XKR4: variants seen among roughly 807,000 people sequenced by gnomAD.
XKR4 encodes the protein XK-related protein 4.
A neutral mutation model predicts 53.9 loss-of-function variants in XKR4; 12 were observed. The observed-to-expected ratio is 0.22, with a 90% CI of 0.14 to 0.36. XKR4 has a LOEUF of 0.36. Among genes scored for constraint, XKR4 ranks in the 10% least tolerant of loss-of-function variants. The probability of loss-of-function intolerance (pLI) is 1.00; values close to 1 mark genes in which losing one functional copy is unlikely to be tolerated. For missense variants in XKR4, 799 were observed against 859.5 expected (o/e 0.93, Z 0.88); for synonymous variants, 354 against 362.4 (o/e 0.98, Z 0.26).
intron 2 of XKR4, among the ~76,000 whole-genome samples, chr8:55,484,962 G>A (rs1806170837): frequency 6.6e-6 from 1 of 152,162 alleles, no homozygotes; most frequent in South Asian, 2.1e-4. Flanking sequence ...CTCCATGATT[G>A]TATGAGCTGA....
chr8:55,123,640 C>T (rs918272163), intron 1 of XKR4, among the ~76,000 whole-genome samples: 1 of 152,156 alleles, frequency 6.6e-6, no homozygotes, highest in African/African-American at 2.4e-5. Flanking sequence ...CAGGCCTGGC[C>T]CTTAACAAGT....
chr8:55,498,286 C>T (rs890469618), intron 2 of XKR4, among the ~76,000 whole-genome samples: 1 of 152,198 alleles, frequency 6.6e-6, no homozygotes, highest in African/African-American at 2.4e-5. Flanking sequence ...GACGGATCCC[C>T]ATGGTCGCCT....
At chr8:55,403,995 T>C (rs977908978) in intron 2 of XKR4, among the ~76,000 whole-genome samples, 2 of 152,164 alleles carry the variant, frequency 1.3e-5, no homozygotes, top group African/African-American at 4.8e-5. Flanking sequence ...CAGGCCTCTT[T>C]ATGACCTCAA....
At position 55,534,992 on chromosome 8, in the gene XKR4, G is replaced by T. The variant is rs1352899940; in HGVS notation, c.*10765G>T. On this transcript the variant is annotated 3_prime_UTR_variant, in exon 3 of 3. Transcript: ENST00000327381. Reference sequence around the variant, plus strand: ...CAGTCTAGAGGAAAAATGAGAAGAGGAAGAAGCAGGGATTCTTTTTCTTGT... The same window carrying T: ...CAGTCTAGAGGAAAAATGAGAAGAGTAAGAAGCAGGGATTCTTTTTCTTGT... The T allele has an allele frequency of 6.6e-6, 1 of 152,014 alleles. No homozygotes were observed. Among genetic ancestry groups the T allele is most frequent in the East Asian group, 1.9e-4 (1 of 5,184 alleles). The allele number at this position is 152,014 out of a possible 1,614,324, so 9.4% of individuals were successfully genotyped here.
intron 1 of XKR4, among the ~76,000 whole-genome samples, chr8:55,151,795 C>T (rs1005775006): frequency 6.2e-4 from 94 of 152,278 alleles, no homozygotes; most frequent in African/African-American, 2.2e-3. Flanking sequence ...ATCCTCATAT[C>T]ATTAAATAGT....
At chr8:55,418,092 A>G (rs1804875546) in intron 2 of XKR4, among the ~76,000 whole-genome samples, 1 of 152,214 alleles carries the variant, frequency 6.6e-6, no homozygotes. Flanking sequence ...TGTTCTTGCT[A>G]CAGAGGCCTC....
intron 1 of XKR4, among the ~76,000 whole-genome samples, chr8:55,215,104 C>G (rs1016557279): frequency 5.3e-5 from 8 of 151,572 alleles, no homozygotes; most frequent in Admixed American, 2.0e-4. Context: ...AAAGCCCAGA[C>G]CAAGTTTGTT....
intron 1 of XKR4, among the ~76,000 whole-genome samples, chr8:55,145,924 C>T (rs772843665): frequency 6.6e-6 from 1 of 152,128 alleles, no homozygotes; most frequent in Non-Finnish European, 1.5e-5. Context: ...GAAGTAAAGA[C>T]ATATCACTCA....
chr8:55,235,604 G>C (rs1023634811), intron 1 of XKR4, among the ~76,000 whole-genome samples: 6 of 152,136 alleles, frequency 3.9e-5, no homozygotes, highest in Non-Finnish European at 8.8e-5. Flanking sequence ...ATGTTTACAA[G>C]AACATTACCT....
intron 2 of XKR4, among the ~76,000 whole-genome samples, chr8:55,427,865 C>T (rs1488984274): frequency 1.3e-5 from 2 of 152,150 alleles, no homozygotes; most frequent in Admixed American, 6.6e-5. Context: ...GAGGCAGACA[C>T]CACTCTCTTA....
intron 2 of XKR4, among the ~76,000 whole-genome samples, chr8:55,363,328 C>T (rs1302166959): frequency 7.2e-5 from 11 of 152,130 alleles, no homozygotes; most frequent in Non-Finnish European, 2.9e-5. Context: ...AAAAAAACTC[C>T]TTTTGCCAAC....
intron 2 of XKR4, among the ~76,000 whole-genome samples, chr8:55,462,119 G>C (rs1585587430): frequency 6.6e-6 from 1 of 152,234 alleles, no homozygotes; most frequent in African/African-American, 2.4e-5. Context: ...AGAAAATACA[G>C]AGAATGTCAC....
chr8:55,109,247 C>G (rs1262962815), intron 1 of XKR4, among the ~76,000 whole-genome samples: 1 of 152,132 alleles, frequency 6.6e-6, no homozygotes, highest in Non-Finnish European at 1.5e-5. Flanking sequence ...GAGACTAACT[C>G]TCATACAGAG....
chr8:55,152,617 A>G (rs766469951), intron 1 of XKR4, among the ~76,000 whole-genome samples: 8 of 152,212 alleles, frequency 5.3e-5, no homozygotes, highest in Non-Finnish European at 1.2e-4. Context: ...TACCAAATCT[A>G]GCAATGGTAC....
chr8:55,201,930 T>C (rs139988022), intron 1 of XKR4, among the ~76,000 whole-genome samples: 4 of 152,324 alleles, frequency 2.6e-5, no homozygotes, highest in African/African-American at 7.2e-5. Context: ...AAATCAGGTG[T>C]CCTCTATTAA....
In XKR4 at chr8:55,523,713, C is replaced by T. The variant is rs868351587; in HGVS notation, c.1439C>T (p.Ala480Val). The part of the protein sequence containing the change: ...ALSALWYLYK[A>V]PQIADAFAIP... Reference sequence around the variant, plus strand: ...AGTGCCCTCTGGTACCTCTACAAGGCTCCCCAGATTGCAGACGCATTTGCC... The same window carrying T: ...AGTGCCCTCTGGTACCTCTACAAGGTTCCCCAGATTGCAGACGCATTTGCC... Residue 480 changes from alanine to valine, a missense_variant, in exon 3 of 3, where the codon GCT becomes GTT. Around this residue, in one of 3 missense-constraint regions of XKR4, gnomAD observed 269 missense variants for 264.4 expected, o/e 1.02. Coordinates refer to ENST00000327381, the MANE Select transcript of XKR4 (RefSeq NM_052898.2). The T allele has an allele frequency of 1.2e-6, 2 of 1,614,194 alleles. No homozygotes were observed. The highest frequency in any genetic ancestry group is 4.5e-5 in the East Asian group (2 of 44,890).
chr8:55,420,924 G>A (rs1002873022), intron 2 of XKR4, among the ~76,000 whole-genome samples: 2 of 152,114 alleles, frequency 1.3e-5, no homozygotes, highest in African/African-American at 4.8e-5. Flanking sequence ...TTCATTCCTT[G>A]TGGTTCAGTG....
chr8:55,260,811 C>T lies in XKR4; in HGVS notation c.807-96867C>T, dbSNP rs548346347. Among the ~76,000 whole-genome samples the T allele has an allele frequency of 2.6e-5, 4 of 152,222 alleles. 1 individual carries two copies. The highest frequency in any genetic ancestry group is 7.2e-5 in the African/African-American group (3 of 41,528). On this transcript the variant is annotated intron_variant, in intron 1 of 2. Transcript: ENST00000327381. ...GTGCCATGTAGTCTGCTCCAGACTG[C>T]ACATGTGGTTGGCAAGGAAAAGGGA...
Position 55,134,996 on chromosome 8 carries a change from C to T in XKR4, c.806+31702C>T, listed in dbSNP as rs1816605141. Among the ~76,000 whole-genome samples the T allele has an allele frequency of 2.6e-5, 4 of 151,600 alleles. No homozygotes were observed. The South Asian group carries it at 8.3e-4, about 32-fold the overall frequency. ...TTGACAACATGCATAGTAGGAAATA[C>T]ATTTTACAGTCTGAATCAGTAGAGG... On this transcript the variant is annotated intron_variant, in intron 1 of 2. Transcript: ENST00000327381.
Sources: gnomAD v4.1 joint callset for allele counts (sites outside exome capture counted in the v4.1 genomes callset) on GRCh38, gnomAD v4.1.1 for gene constraint, gnomAD v4.1.1 regional missense constraint, MANE v1.5 for transcripts, NCBI Gene and HGNC (gene_info 2026-07-23, HGNC 2026-07-21) for gene names.